ABCA1: variants seen among roughly 807,000 people sequenced by gnomAD.
ABCA1 encodes the protein ATP binding cassette subfamily A member 1, also known as phospholipid-transporting ATPase ABCA1.
Under a neutral mutation model 262.5 loss-of-function variants are expected in ABCA1, and 133 were observed. The observed-to-expected ratio is 0.51, with a 90% confidence interval of 0.44 to 0.59. The LOEUF (loss-of-function observed/expected upper bound fraction) is 0.59. Among genes scored for constraint, ABCA1 ranks in the 20% least tolerant of loss-of-function variants. The pLI is 0.00. For synonymous variants in ABCA1, 1,022 were observed against 1,043.5 expected (o/e 0.98, Z 0.40); for missense variants, 2,452 against 2,777.5 (o/e 0.88, Z 2.63).
chr9:104,895,121 C>T (rs890681577), intron 2 of ABCA1, among the ~76,000 whole-genome samples: 4 of 152,220 alleles, frequency 2.6e-5, no homozygotes, highest in Non-Finnish European at 4.4e-5. Context: ...TAAATTCCTA[C>T]AGAAAACTCT....
At chr9:104,902,773 C>T (rs968128434) in intron 2 of ABCA1, among the ~76,000 whole-genome samples, 1 of 152,006 alleles carries the variant, frequency 6.6e-6, no homozygotes, top group African/African-American at 2.4e-5. Context: ...CCCTTATAGC[C>T]CTTTGAATCT....
At chr9:104,834,521 G>A (rs1213974501) in intron 11 of ABCA1, among the ~76,000 whole-genome samples, 3 of 149,136 alleles carry the variant, frequency 2.0e-5, no homozygotes, top group South Asian at 2.2e-4. Flanking sequence ...GTGAAGAGAC[G>A]CAGCCTTTAG....
chr9:104,790,990 T>C lies in ABCA1; in HGVS notation c.5859A>G (p.Ser1953=), dbSNP rs1829377232. The C allele has an allele frequency of 6.2e-7, 1 of 1,613,838 alleles. No homozygotes were observed. The highest frequency in any genetic ancestry group is 1.1e-5 in the South Asian group (1 of 91,078). The change falls in exon 44 of 50, where the codon TCA becomes TCG. Residue 1953 remains serine (S), a synonymous_variant. Coordinates refer to ENST00000374736, the MANE Select transcript of ABCA1 (RefSeq NM_005502.4). ...GLLGVNGAGK[S]STFKMLTGDT... is the part of the protein sequence containing the mutation. ...CTCCTGTTAACATCTTGAAAGTTGA[T>C]GATTTTCCAGCCCCATTAACTCCCA...
intron 1 of ABCA1, among the ~76,000 whole-genome samples, chr9:104,913,043 T>C (rs1841596365): frequency 6.6e-6 from 1 of 152,208 alleles, no homozygotes; most frequent in Non-Finnish European, 1.5e-5. Context: ...TTAGTGACCA[T>C]ATCACCAAAG....
intron 1 of ABCA1, among the ~76,000 whole-genome samples, chr9:104,926,899 CTAAGTCT>C (rs1826391846): frequency 6.6e-6 from 1 of 152,198 alleles, no homozygotes; most frequent in Non-Finnish European, 1.5e-5. Flanking sequence ...GCAGGCTCTC[CTAAGTCT>C]TGTTTTTAAA....
intron 1 of ABCA1, among the ~76,000 whole-genome samples, chr9:104,920,924 T>C (rs774694432): frequency 5.9e-5 from 9 of 152,232 alleles, no homozygotes; most frequent in Non-Finnish European, 1.2e-4. Flanking sequence ...ATTTTACAGA[T>C]GATGAAACTG....
rs112425056 is a variant in ABCA1 at position 104,864,902 on chromosome 9, G to A, written c.422-3102C>T. On this transcript the variant is annotated intron_variant, in intron 5 of 49. Coordinates refer to ENST00000374736, the MANE Select transcript of ABCA1 (RefSeq NM_005502.4). ...AACATCTGGATGTGATCAAGCTCCA[G>A]CCTCCTATCAGTGAATCCCCCGGAT... is the stretch of plus-strand genomic sequence containing the variant. 4.6e-3 allele frequency among the ~76,000 whole-genome samples: 708 copies of A among 152,306 alleles called. 6 individuals carry two copies. Among genetic ancestry groups the A allele is most frequent in the African/African-American group, 0.016 (668 of 41,550 alleles).
At chr9:104,917,308 C>G (rs1564300602) in intron 1 of ABCA1, among the ~76,000 whole-genome samples, 3 of 152,094 alleles carry the variant, frequency 2.0e-5, no homozygotes, top group Non-Finnish European at 2.9e-5. Flanking sequence ...CAGTATTTCC[C>G]CAAATGTGGG....
chr9:104,849,625 G>A (rs1258133737), intron 7 of ABCA1, among the ~76,000 whole-genome samples: 5 of 152,152 alleles, frequency 3.3e-5, no homozygotes, highest in African/African-American at 1.2e-4. Flanking sequence ...ACATCACAGG[G>A]TTAACAAAAC....
intron 5 of ABCA1, 80 bp from the exon 6 acceptor site, chr9:104,861,880 G>T: frequency 7.7e-7 from 1 of 1,292,576 alleles, no homozygotes; most frequent in Non-Finnish European, 1.1e-6. Context: ...GGACAGTGGA[G>T]AAACGTTATC....
At position 104,822,520 on chromosome 9, in the gene ABCA1, T is replaced by C. The variant is rs28937313; in HGVS notation, c.2804A>G (p.Asn935Ser). The change falls in exon 19 of 50, where the codon AAT becomes AGT. Residue 935 changes from asparagine to serine, a missense_variant. By Grantham distance (46) the Asn-to-Ser change is conservative (BLOSUM62 1). This residue lies in a region of ABCA1 where 665 missense variants were observed against 727.3 expected (regional missense o/e 0.91). Transcript: ENST00000374736. ...CATGGTGGTCGTCTTCCCCGCTCCA[T>C]TGTGGCCCAGGAAGGAGGTGATCTG... ...EGQITSFLGH[N>S]GAGKTTTMSI... The C allele has an allele frequency of 7.4e-6, 12 of 1,613,846 alleles. No individual in the cohort carries two copies. The highest frequency in any genetic ancestry group is 1.3e-5 in the African/African-American group (1 of 74,982).
chr9:104,922,430 T>C (rs915233388), intron 1 of ABCA1, among the ~76,000 whole-genome samples: 1 of 152,202 alleles, frequency 6.6e-6, no homozygotes, highest in African/African-American at 2.4e-5. Flanking sequence ...GAAGCCAAAC[T>C]GTCTGGGATG....
At position 104,883,180 on chromosome 9, in the gene ABCA1, C is replaced by T. The variant is rs371824539; in HGVS notation, c.303-23G>A. The T allele has an allele frequency of 4.1e-5, 65 of 1,600,268 alleles. 2 individuals carry two copies. The highest frequency in any genetic ancestry group is 1.1e-4 in the African/African-American group (8 of 74,650). ...ACACTGTAAAGGGTGCAAGAAAAGG[C>T]GAAAGGCTTTAGCTAGGCCAACTGC... On this transcript the variant is annotated intron_variant, in intron 4 of 49. Transcript: ENST00000374736.
intron 44 of ABCA1, among the ~76,000 whole-genome samples, chr9:104,789,930 C>T (rs192886840): frequency 0.014 from 2,080 of 152,150 alleles, 21 homozygotes; most frequent in Non-Finnish European, 0.021. Flanking sequence ...CCCATCTCTA[C>T]TGAAAATACA....
At chr9:104,877,977 C>T (rs999510506) in intron 5 of ABCA1, among the ~76,000 whole-genome samples, 3 of 152,168 alleles carry the variant, frequency 2.0e-5, no homozygotes, top group Non-Finnish European at 4.4e-5. Flanking sequence ...GCAATAATTT[C>T]CATGAAATTG....
At chr9:104,792,697 T>C (rs1193734349) in intron 42 of ABCA1, 89 bp downstream of exon 42, 1 of 1,580,944 alleles carries the variant, frequency 6.3e-7, no homozygotes, top group Non-Finnish European at 8.7e-7. Context: ...CACATGCCCT[T>C]TTATTAAGCA....
rs868518259 is a variant in ABCA1, at chr9:104,922,019, G to A, written c.-93+5916C>T. ...ATGAGGAGGGAAGCATTTAAATCGG[G>A]TCTTAAAGGAGGTTTGCAAAAGCTA... On this transcript the variant is annotated intron_variant, in intron 1 of 49. Transcript: ENST00000374736. Among the ~76,000 whole-genome samples, 34 of 152,212 alleles carry A rather than the reference G, an allele frequency of 2.2e-4. No homozygotes were observed. The Middle Eastern group carries it at 0.02, about 91-fold the overall frequency.
rs900084382 is a variant in ABCA1 at position 104,798,496 on chromosome 9, G to T, written c.5046C>A (p.Ser1682Arg). The T allele has an allele frequency of 2.5e-6, 4 of 1,614,026 alleles. No homozygotes were observed. Among genetic ancestry groups the T allele is most frequent in the African/African-American group, 1.3e-5 (1 of 74,906 alleles). The change falls in exon 37 of 50, where the codon AGC becomes AGA. Residue 1682 changes from serine to arginine, a missense_variant. Ser to Arg is a moderately radical substitution (Grantham distance 110). This residue lies in a region of ABCA1 where 752 missense variants were observed against 944.5 expected (regional missense o/e 0.80). Transcript: ENST00000374736. ...TGATGAACTGCAGGTGTTTTGCTTTGCTGACCCGCTCCTGGATCAGGAATA... is the reference window on the plus strand; with the variant it reads ...TGATGAACTGCAGGTGTTTTGCTTTTCTGACCCGCTCCTGGATCAGGAATA... ...FVVFLIQERV[S>R]KAKHLQFISG...
intron 8 of ABCA1, among the ~76,000 whole-genome samples, chr9:104,841,676 A>C (rs1209378672): frequency 6.6e-6 from 1 of 152,108 alleles, no homozygotes; most frequent in Non-Finnish European, 1.5e-5. Context: ...GCAAAGCTAC[A>C]ACAGTGTGTG....
Sources: gnomAD v4.1 joint callset for allele counts (sites outside exome capture counted in the v4.1 genomes callset) on GRCh38, gnomAD v4.1.1 for gene constraint, gnomAD v4.1.1 regional missense constraint, MANE v1.5 for transcripts, NCBI Gene and HGNC (gene_info 2026-07-23, HGNC 2026-07-21) for gene names.